Variants in FRMD4A observed in about 807,000 individuals in gnomAD.
FRMD4A encodes FERM domain containing 4A, also known as FERM domain-containing protein 4A.
A neutral mutation model predicts 129.1 loss-of-function variants in FRMD4A; 29 were observed. The ratio of observed to expected loss-of-function variants is 0.22; its 90% confidence interval spans 0.17 to 0.31. The LOEUF (loss-of-function observed/expected upper bound fraction) is 0.31. FRMD4A is among the 10% of genes least tolerant of loss of function. The pLI, the probability that FRMD4A is intolerant of heterozygous loss-of-function variation, is 1.00. For missense variants in FRMD4A, 1,272 were observed against 1,375.8 expected, an observed-to-expected ratio of 0.92 and a Z score of 1.19; for synonymous variants, 634 against 571.6, an observed-to-expected ratio of 1.11 and a Z score of -1.56.
chr10:14,109,724 C>A (rs1228839386), intron 2 of FRMD4A, among the ~76,000 whole-genome samples: 2 of 152,110 alleles, frequency 1.3e-5, no homozygotes, highest in African/African-American at 4.8e-5. Context: ...GTAATCTCAG[C>A]ACTTTGGGAG....
At chr10:13,855,785 G>A (rs892882390) in intron 3 of FRMD4A, among the ~76,000 whole-genome samples, 1 of 152,084 alleles carries the variant, frequency 6.6e-6, no homozygotes, top group South Asian at 2.1e-4. Context: ...AGATGAGCTA[G>A]AGAATCCAGA....
chr10:14,130,516 G>A (rs986245699), intron 2 of FRMD4A, among the ~76,000 whole-genome samples: 1 of 152,160 alleles, frequency 6.6e-6, no homozygotes, highest in Admixed American at 6.5e-5. Context: ...CTACCAAAGT[G>A]CTGGGATTAC....
At chr10:14,210,944 G>A (rs1382366606) in intron 2 of FRMD4A, among the ~76,000 whole-genome samples, 1 of 152,124 alleles carries the variant, frequency 6.6e-6, no homozygotes, top group Non-Finnish European at 1.5e-5. Context: ...GACCAGGCTG[G>A]TCTCGAAATC....
intron 2 of FRMD4A, among the ~76,000 whole-genome samples, chr10:14,286,631 A>C (rs1314229617): frequency 6.6e-6 from 1 of 152,214 alleles, no homozygotes; most frequent in Admixed American, 6.5e-5. Context: ...AAGATGCAAG[A>C]GTCCTGGTGT....
intron 2 of FRMD4A, among the ~76,000 whole-genome samples, chr10:14,023,243 G>GC (rs1832841963): frequency 6.6e-6 from 1 of 152,092 alleles, no homozygotes; most frequent in Non-Finnish European, 1.5e-5. Flanking sequence ...GTCGCCCAGA[G>GC]CCCCACACCC....
rs186004969 is a variant in FRMD4A at position 14,229,459 on chromosome 10, T to G, written c.45+100599A>C. Among the ~76,000 whole-genome samples the G allele has an allele frequency of 1.2e-4, 19 of 152,292 alleles. No individual in the cohort carries two copies. In the South Asian group the frequency reaches 3.7e-3, roughly 30 times the overall value. ...GAAATACGTCAACCAGAGAAACTTA[T>G]GTACTCTTACAAAATAAATTATGTA... On this transcript the variant is annotated intron_variant, in intron 2 of 24. Coordinates refer to ENST00000357447, the MANE Select transcript of FRMD4A (RefSeq NM_018027.5).
intron 2 of FRMD4A, among the ~76,000 whole-genome samples, chr10:14,280,157 G>A (rs1845471087): frequency 6.6e-6 from 1 of 152,176 alleles, no homozygotes; most frequent in South Asian, 2.1e-4. Flanking sequence ...GGCCAAGGCA[G>A]GACAGTGCGA....
At chr10:13,755,806 T>A (rs1247006390) in intron 8 of FRMD4A, among the ~76,000 whole-genome samples, 2 of 152,264 alleles carry the variant, frequency 1.3e-5, no homozygotes, top group African/African-American at 4.8e-5. Context: ...TCACTTGGAC[T>A]GGCATTTCAT....
At chr10:14,252,946 T>G (rs1303485445) in intron 2 of FRMD4A, among the ~76,000 whole-genome samples, 3 of 152,244 alleles carry the variant, frequency 2.0e-5, no homozygotes, top group Non-Finnish European at 2.9e-5. Flanking sequence ...ATTCATTTAT[T>G]CTTTCTTCAT....
intron 2 of FRMD4A, among the ~76,000 whole-genome samples, chr10:14,089,470 C>A (rs1836506090): frequency 6.6e-6 from 1 of 152,134 alleles, no homozygotes; most frequent in African/African-American, 2.4e-5. Flanking sequence ...CCGCAGCATG[C>A]TGGGCACAGG....
At chr10:14,171,124 AG>A (rs2131885503) in intron 2 of FRMD4A, among the ~76,000 whole-genome samples, 1 of 152,272 alleles carries the variant, frequency 6.6e-6, no homozygotes, top group South Asian at 2.1e-4. Flanking sequence ...TCTAACTAAA[AG>A]GACACATTAA....
intron 12 of FRMD4A, among the ~76,000 whole-genome samples, chr10:13,729,115 T>A (rs1333834115): frequency 3.7e-5 from 1 of 26,732 alleles, no homozygotes; most frequent in Non-Finnish European, 1.1e-4. Context: ...CGCGGCCAAG[T>A]AGGCCTGGTC....
chr10:13,647,576 C>T (rs2081207926), intron 24 of FRMD4A: 1 of 151,946 alleles, frequency 6.6e-6, no homozygotes, highest in Non-Finnish European at 1.5e-5. Flanking sequence ...TGTGAGTTTT[C>T]CCTATAGTGA....
intron 2 of FRMD4A, among the ~76,000 whole-genome samples, chr10:14,099,930 G>A (rs1394660492): frequency 6.6e-6 from 1 of 152,076 alleles, no homozygotes; most frequent in Non-Finnish European, 1.5e-5. Flanking sequence ...CTGGCTTTAG[G>A]GCCTGGGTTC....
chr10:14,037,123 T>C (rs918717290), intron 2 of FRMD4A, among the ~76,000 whole-genome samples: 2 of 152,238 alleles, frequency 1.3e-5, no homozygotes, highest in African/African-American at 4.8e-5. Flanking sequence ...CATAAAATGT[T>C]ACCATTGGTG....
intron 2 of FRMD4A, among the ~76,000 whole-genome samples, chr10:14,182,144 CCTAGA>C (rs1163330174): frequency 2.0e-5 from 3 of 152,152 alleles, no homozygotes; most frequent in Non-Finnish European, 4.4e-5. Flanking sequence ...GTTTATCAAA[CCTAGA>C]CTGGGGAGGG....
At chr10:14,101,344 C>T (rs1837289221) in intron 2 of FRMD4A, among the ~76,000 whole-genome samples, 1 of 152,124 alleles carries the variant, frequency 6.6e-6, no homozygotes, top group Non-Finnish European at 1.5e-5. Flanking sequence ...TAGCCACTTC[C>T]CAGACTTTTT....
chr10:13,669,067 T>TG (rs2083298347), intron 17 of FRMD4A, among the ~76,000 whole-genome samples: 1 of 144,862 alleles, frequency 6.9e-6, no homozygotes, highest in South Asian at 2.3e-4. Flanking sequence ...GTTTTTTTTT[T>TG]TTTTTTTTTT....
rs139434056 is a variant in FRMD4A, at chr10:14,117,812, G to A, written c.45+212246C>T. On this transcript the variant is annotated intron_variant, in intron 2 of 24. Coordinates refer to ENST00000357447, the MANE Select transcript of FRMD4A (RefSeq NM_018027.5). ...TGGACTTTTGCCTTCTTCTGGGTGA[G>A]CAGAAAGGAGTCCTTGTGAGTGTAG... Among the ~76,000 whole-genome samples the A allele has an allele frequency of 7.2e-5, 11 of 152,318 alleles. No homozygotes were observed. The East Asian group carries it at 1.9e-3, about 27-fold the overall frequency.
Sources: gnomAD v4.1 joint callset for allele counts (sites outside exome capture counted in the v4.1 genomes callset) on GRCh38, gnomAD v4.1.1 for gene constraint, MANE v1.5 for transcripts, NCBI Gene and HGNC (gene_info 2026-07-23, HGNC 2026-07-21) for gene names.